The following ERC2 variants were observed in gnomAD, a reference collection of about 807,000 sequenced individuals.
ERC2 encodes the protein ELKS/RAB6-interacting/CAST family member 2, also known as ERC protein 2.
In ERC2, 42 loss-of-function variants were observed where a neutral mutation model predicts 114.8. That is an observed-to-expected ratio of 0.37 (90% CI 0.29 to 0.47). The LOEUF (loss-of-function observed/expected upper bound fraction) is 0.47, where lower values mean the gene tolerates loss of function less well. Among genes scored for constraint, ERC2 ranks in the 20% least tolerant of loss-of-function variants. ERC2 has a pLI of 0.99. For missense variants in ERC2, 939 were observed against 1,150.7 expected, an observed-to-expected ratio of 0.82 and a Z score of 2.66; for synonymous variants, 454 against 425.5, an observed-to-expected ratio of 1.07 and a Z score of -0.82.
intron 14 of ERC2, among the ~76,000 whole-genome samples, chr3:55,802,369 G>A (rs1226492028): frequency 6.6e-6 from 1 of 152,164 alleles, no homozygotes; most frequent in African/African-American, 2.4e-5. Flanking sequence ...TGAGTATAGG[G>A]GACGGGGAGG....
chr3:56,399,659 C>A (rs1188833378), intron 2 of ERC2, among the ~76,000 whole-genome samples: 1 of 148,540 alleles, frequency 6.7e-6, no homozygotes, highest in Non-Finnish European at 1.5e-5. Context: ...AAATCAAGAA[C>A]CTTAGTTCTA....
intron 4 of ERC2, among the ~76,000 whole-genome samples, chr3:56,150,578 A>G (rs1575597672): frequency 6.6e-6 from 1 of 152,184 alleles, no homozygotes; most frequent in Non-Finnish European, 1.5e-5. Context: ...GTAGTATTTC[A>G]TTTTCCTTTA....
At chr3:56,321,008 G>T (rs181379429) in intron 2 of ERC2, among the ~76,000 whole-genome samples, 55 of 152,236 alleles carry the variant, frequency 3.6e-4, no homozygotes, top group Non-Finnish European at 7.4e-5. Context: ...GCCACAGGTC[G>T]CATGGTGAAC....
At chr3:56,154,409 C>A (rs1457256594) in intron 4 of ERC2, among the ~76,000 whole-genome samples, 1 of 152,104 alleles carries the variant, frequency 6.6e-6, no homozygotes, top group Non-Finnish European at 1.5e-5. Context: ...AAATGAAAAG[C>A]AACTAGGGTG....
In ERC2 at chr3:55,597,387, T is replaced by G. The variant is rs539569741; in HGVS notation, c.*40-86111A>C. On this transcript the variant is annotated intron_variant, in intron 17 of 17. Transcript: ENST00000288221. ...GTGAGCCCAGACCGCGCCACTGCAC[T>G]CCAGCCTGGGTGACAGAGTGAGACT... is the stretch of plus-strand genomic sequence containing the variant. 3.4e-5 allele frequency among the ~76,000 whole-genome samples: 5 copies of G among 145,584 alleles called. No individual in the cohort carries two copies. The East Asian group carries it at 1.0e-3, about 30-fold the overall frequency.
chr3:56,332,140 A>G (rs1041076720), intron 2 of ERC2, among the ~76,000 whole-genome samples: 2 of 60,064 alleles, frequency 3.3e-5, no homozygotes, highest in Admixed American at 2.6e-4. Flanking sequence ...TTTCACACAC[A>G]CACACACATG....
intron 6 of ERC2, among the ~76,000 whole-genome samples, chr3:56,133,443 A>G (rs1437287429): frequency 6.6e-6 from 1 of 152,236 alleles, no homozygotes; most frequent in Non-Finnish European, 1.5e-5. Context: ...CTGCAAAAAA[A>G]TAATAAAATA....
At chr3:55,591,072 C>A (rs1216698420) in intron 17 of ERC2, among the ~76,000 whole-genome samples, 1 of 152,112 alleles carries the variant, frequency 6.6e-6, no homozygotes, top group Non-Finnish European at 1.5e-5. Flanking sequence ...CGTGGTCCAC[C>A]CACCTTGGCC....
chr3:55,960,472 G>GC (rs1371301450), intron 12 of ERC2, among the ~76,000 whole-genome samples: 3 of 152,080 alleles, frequency 2.0e-5, no homozygotes, highest in Non-Finnish European at 2.9e-5. Flanking sequence ...TCCTCAGAAG[G>GC]CCCTTTTTTG....
At chr3:55,893,234 G>A (rs994566881) in intron 13 of ERC2, among the ~76,000 whole-genome samples, 3 of 152,098 alleles carry the variant, frequency 2.0e-5, no homozygotes, top group Non-Finnish European at 2.9e-5. Flanking sequence ...AATGGACTAC[G>A]ACACTTAGGA....
intron 2 of ERC2, among the ~76,000 whole-genome samples, chr3:56,422,583 T>C (rs896965474): frequency 2.6e-5 from 4 of 152,210 alleles, no homozygotes; most frequent in Admixed American, 6.5e-5. Flanking sequence ...TCTGTATACC[T>C]CTTTGACAGC....
intron 17 of ERC2, among the ~76,000 whole-genome samples, chr3:55,585,749 G>A (rs1198311796): frequency 2.0e-5 from 3 of 152,074 alleles, no homozygotes; most frequent in Non-Finnish European, 4.4e-5. Context: ...AGGATTTTTT[G>A]ACCCCAGTCC....
intron 2 of ERC2, among the ~76,000 whole-genome samples, chr3:56,328,160 A>T (rs961379424): frequency 1.3e-5 from 2 of 152,152 alleles, no homozygotes; most frequent in Non-Finnish European, 2.9e-5. Context: ...ATGACCAGGG[A>T]GGGCTCCATG....
At chr3:55,635,492 G>A (rs1395621908) in intron 17 of ERC2, among the ~76,000 whole-genome samples, 3 of 151,880 alleles carry the variant, frequency 2.0e-5, no homozygotes, top group African/African-American at 7.3e-5. Context: ...CTAGGTTCAA[G>A]CAATTCTTGT....
rs58831473 is a variant in ERC2, at chr3:56,204,922, CTGTGTGTGTG to C, written c.1075-31412_1075-31403del. On this transcript the variant is annotated intron_variant, in intron 3 of 17. Transcript: ENST00000288221. ...TTTTTTTTTTAACCATGGGACGTGT[CTGTGTGTGTG>C]TGTGTGTGTGTGTGTGTGTGTATGT... Among the ~76,000 whole-genome samples, 131 of 150,036 alleles carry C rather than the reference CTGTGTGTGTG, an allele frequency of 8.7e-4. 1 individual carries two copies. Among genetic ancestry groups the C allele is most frequent in the South Asian group, 1.9e-3 (9 of 4,732 alleles).
chr3:55,919,679 G>A (rs1397952211), intron 13 of ERC2, among the ~76,000 whole-genome samples: 2 of 152,174 alleles, frequency 1.3e-5, no homozygotes, highest in Non-Finnish European at 2.9e-5. Context: ...AGTGAAGAGT[G>A]CTAAAGAGAA....
At chr3:56,442,034 T>A (rs1038958437) in intron 1 of ERC2, among the ~76,000 whole-genome samples, 1 of 152,112 alleles carries the variant, frequency 6.6e-6, no homozygotes, top group Non-Finnish European at 1.5e-5. Context: ...AGTTAATTTT[T>A]AAAAAATCAA....
chr3:56,270,131 A>G (rs2053565485), intron 3 of ERC2, among the ~76,000 whole-genome samples: 3 of 152,156 alleles, frequency 2.0e-5, no homozygotes, highest in Non-Finnish European at 2.9e-5. Context: ...TAGCTGAAAA[A>G]CAAATCTCTA....
rs2055420332 is a variant in ERC2, at chr3:56,296,153, T to A, written c.940A>T (p.Ser314Cys). The change falls in exon 3 of 18, where the codon AGT (serine) becomes TGT (cysteine). Residue 314 changes from serine (S) to cysteine (C), a missense_variant. Physicochemically the swap from Ser to Cys is moderately radical, Grantham distance 112. Coordinates refer to ENST00000288221, the MANE Select transcript of ERC2 (RefSeq NM_015576.3). ...AGGCTTTTGGATGGCAAGCCTTTAC[T>A]TTGCAACATCTCAAGAAGTTTTTTA... Reference protein sequence around the residue: ...SIKKLLEMLQSKGLPSKSLED... With the variant: ...SIKKLLEMLQCKGLPSKSLED... 1 of 1,613,920 alleles carries A rather than the reference T, an allele frequency of 6.2e-7. No individual in the cohort carries two copies. The highest frequency in any genetic ancestry group is 1.3e-5 in the African/African-American group (1 of 74,938).
Sources: gnomAD v4.1 joint callset for allele counts (sites outside exome capture counted in the v4.1 genomes callset) on GRCh38, gnomAD v4.1.1 for gene constraint, MANE v1.5 for transcripts, NCBI Gene and HGNC (gene_info 2026-07-23, HGNC 2026-07-21) for gene names.